The following CAST variants were observed in gnomAD, a reference collection of about 807,000 sequenced individuals.
CAST encodes the protein calpastatin.
A neutral mutation model predicts 119.6 loss-of-function variants in CAST; 76 were observed. The observed-to-expected ratio is 0.64, with a 90% CI of 0.53 to 0.77. CAST has a LOEUF of 0.77. CAST is among the 30% of genes least tolerant of loss of function. CAST has a pLI of 0.00. For missense variants in CAST, 953 were observed against 946.5 expected (o/e 1.01, Z -0.09); for synonymous variants, 319 against 331.6 (o/e 0.96, Z 0.41).
chr5:96,348,436 T>G, the CAST span, among the ~76,000 whole-genome samples: 1 of 151,816 alleles, frequency 6.6e-6, no homozygotes, highest in Non-Finnish European at 1.5e-5. Context: ...GGTGCCTGAT[T>G]CCTAAGGAGA....
the CAST span, among the ~76,000 whole-genome samples, chr5:96,198,025 ATGTGT>A: frequency 6.6e-6 from 1 of 152,192 alleles, no homozygotes; most frequent in East Asian, 1.9e-4. Flanking sequence ...TGGCCTCCCA[ATGTGT>A]TGTGATTATA....
intron 3 of CAST, among the ~76,000 whole-genome samples, chr5:96,705,208 A>G (rs114156451): frequency 0.018 from 2,690 of 152,158 alleles, 78 homozygotes; most frequent in African/African-American, 0.062. Context: ...GGCCCCAGCT[A>G]CTTGGGAGGC....
chr5:96,013,337 T>G, the CAST span, among the ~76,000 whole-genome samples: 2 of 151,902 alleles, frequency 1.3e-5, no homozygotes, highest in East Asian at 3.9e-4. Flanking sequence ...TAGCTCCCAC[T>G]CCACCCATTT....
chr5:96,128,379 T>C, the CAST span, among the ~76,000 whole-genome samples: 2 of 152,120 alleles, frequency 1.3e-5, no homozygotes, highest in African/African-American at 4.8e-5. Flanking sequence ...CCCTGGACTC[T>C]GCACAGTTAG....
At chr5:96,519,474 G>A in the CAST span, among the ~76,000 whole-genome samples, 1 of 152,190 alleles carries the variant, frequency 6.6e-6, no homozygotes, top group African/African-American at 2.4e-5. Flanking sequence ...TTTGGATGCT[G>A]TCAGTTGTGT....
intron 1 of CAST, among the ~76,000 whole-genome samples, chr5:96,573,735 A>G (rs1439453344): frequency 6.6e-6 from 1 of 152,234 alleles, no homozygotes; most frequent in Non-Finnish European, 1.5e-5. Flanking sequence ...AAGATAGAGA[A>G]TATTTACATA....
chr5:96,304,815 G>C, the CAST span, among the ~76,000 whole-genome samples: 13 of 152,176 alleles, frequency 8.5e-5, no homozygotes, highest in Admixed American at 4.6e-4. Flanking sequence ...CTATATATCT[G>C]TTTTGGTACC....
the CAST span, among the ~76,000 whole-genome samples, chr5:95,999,359 T>C: frequency 6.6e-6 from 1 of 152,170 alleles, no homozygotes; most frequent in East Asian, 1.9e-4. Flanking sequence ...TCCATATATA[T>C]ATTTTTAAGA....
intron 1 of CAST, among the ~76,000 whole-genome samples, chr5:96,561,100 G>A (rs890754183): frequency 1.3e-5 from 2 of 150,162 alleles, no homozygotes; most frequent in African/African-American, 4.9e-5. Flanking sequence ...ACTATCGCAA[G>A]GACAAAACAC....
At chr5:96,140,400 A>G in the CAST span, among the ~76,000 whole-genome samples, 73 of 152,312 alleles carry the variant, frequency 4.8e-4, no homozygotes, top group East Asian at 0.013. Flanking sequence ...CATACTTTTC[A>G]TTATTTAGAT....
intron 1 of CAST, among the ~76,000 whole-genome samples, chr5:96,553,715 G>A (rs973218632): frequency 2.6e-5 from 4 of 152,120 alleles, no homozygotes; most frequent in African/African-American, 9.7e-5. Flanking sequence ...ATCTCAAGAT[G>A]CAAAATCAAT....
chr5:96,691,408 G>A (rs1752711624), intron 2 of CAST, among the ~76,000 whole-genome samples: 1 of 152,060 alleles, frequency 6.6e-6, no homozygotes, highest in Admixed American at 6.5e-5. Flanking sequence ...TAGTTCTAAG[G>A]AAAAAATTAC....
chr5:96,543,550 AAAAT>A (rs1465644891), intron 1 of CAST, among the ~76,000 whole-genome samples: 4 of 152,208 alleles, frequency 2.6e-5, no homozygotes, highest in Non-Finnish European at 5.9e-5. Flanking sequence ...AGTATAATAA[AAAAT>A]AAATAAATAA....
At chr5:96,519,557 A>C in the CAST span, among the ~76,000 whole-genome samples, 7 of 152,164 alleles carry the variant, frequency 4.6e-5, no homozygotes, top group African/African-American at 1.4e-4. Flanking sequence ...TATCTAGCAA[A>C]TGCATAGAAT....
chr5:96,434,839 A>G, the CAST span, among the ~76,000 whole-genome samples: 1 of 152,352 alleles, frequency 6.6e-6, no homozygotes, highest in Admixed American at 6.5e-5. Flanking sequence ...AGAAATGTGC[A>G]CTACATAATT....
the CAST span, among the ~76,000 whole-genome samples, chr5:96,037,729 AT>A: frequency 3.3e-5 from 5 of 152,138 alleles, no homozygotes; most frequent in African/African-American, 9.7e-5. Flanking sequence ...GCTGTTGCTC[AT>A]GGCTCTGTAG....
At chr5:96,298,642 G>A in the CAST span, among the ~76,000 whole-genome samples, 2 of 152,064 alleles carry the variant, frequency 1.3e-5, no homozygotes, top group Admixed American at 1.3e-4. Flanking sequence ...TAGTGCCTGA[G>A]AACAAATTTG....
At chr5:96,133,792 G>T in the CAST span, among the ~76,000 whole-genome samples, 1 of 152,152 alleles carries the variant, frequency 6.6e-6, no homozygotes, top group Non-Finnish European at 1.5e-5. Flanking sequence ...TAGAAAAGGG[G>T]GGCTGCATTG....
chr5:96,753,129 G>C (rs905198701), intron 20 of CAST, among the ~76,000 whole-genome samples: 1 of 151,948 alleles, frequency 6.6e-6, no homozygotes, highest in Non-Finnish European at 1.5e-5. Context: ...GAGGAGATGG[G>C]ACTACAGGCA....
Sources: allele counts gnomAD v4.1 joint callset (sites outside exome capture counted in the v4.1 genomes callset), GRCh38; gene constraint gnomAD v4.1.1; transcripts MANE v1.5; gene names NCBI Gene and HGNC (gene_info 2026-07-23, HGNC 2026-07-21).